Variants in SCFD2 observed in about 807,000 individuals in gnomAD.
The protein encoded by SCFD2 is sec1 family domain-containing protein 2.
In SCFD2, 54 loss-of-function variants were observed where a neutral mutation model predicts 58.9. That is an observed-to-expected ratio of 0.92 (90% CI 0.74 to 1.15). SCFD2 has a LOEUF of 1.15. Among genes scored for constraint, SCFD2 ranks in the 50% most tolerant of loss-of-function variants. The pLI is 0.00. For synonymous variants in SCFD2, 321 were observed against 335.9 expected (o/e 0.96, Z 0.49); for missense variants, 805 against 836.6 (o/e 0.96, Z 0.47).
At chr4:53,329,709 CAGTTCCTCACCAGCAACGGAACAA>C (rs1379090634) in intron 2 of SCFD2, among the ~76,000 whole-genome samples, 1 of 152,198 alleles carries the variant, frequency 6.6e-6, no homozygotes, top group Non-Finnish European at 1.5e-5. Context: ...CAAAGGAACG[CAGTTCCTCACCAGCAACGGAACAA>C]AGCTGGATGG....
rs1179670478 is a variant in SCFD2 at position 53,243,223 on chromosome 4, T to C, written c.1311+30603A>G. ...ATGAAAGACAAAATGTTAAGGCAGC[T>C]AAACAGAAAGTATAGGTCACCTATA... On this transcript the variant is annotated intron_variant, in intron 4 of 8. Transcript: ENST00000401642. Among the ~76,000 whole-genome samples, 4 of 152,082 alleles carry C rather than the reference T, an allele frequency of 2.6e-5. No individual in the cohort carries two copies. In the East Asian group the frequency reaches 7.7e-4, roughly 29 times the overall value.
Position 53,057,093 on chromosome 4 carries a change from G to T in SCFD2, c.1561+88240C>A, listed in dbSNP as rs529055657. On this transcript the variant is annotated intron_variant, in intron 5 of 8. Transcript: ENST00000401642. Reference sequence around the variant, plus strand: ...CCAGCTACTCTGGAGGCTGAGGCAGGAGAATCACTTGAACCTGGGAGGTGG... The same window carrying T: ...CCAGCTACTCTGGAGGCTGAGGCAGTAGAATCACTTGAACCTGGGAGGTGG... Among the ~76,000 whole-genome samples, 3 of 152,316 alleles carry T rather than the reference G, an allele frequency of 2.0e-5. No individual in the cohort carries two copies. In the South Asian group the frequency reaches 6.2e-4, roughly 32 times the overall value.
chr4:53,184,477 G>T (rs1727681937), intron 4 of SCFD2, among the ~76,000 whole-genome samples: 1 of 152,094 alleles, frequency 6.6e-6, no homozygotes, highest in Non-Finnish European at 1.5e-5. Flanking sequence ...ACAGTAACTG[G>T]AACCCTCATA....
intron 4 of SCFD2, among the ~76,000 whole-genome samples, chr4:53,187,269 T>C (rs556234203): frequency 6.6e-6 from 1 of 152,172 alleles, no homozygotes; most frequent in Admixed American, 6.6e-5. Flanking sequence ...ATCAGCAATA[T>C]TGACAATGCT....
chr4:53,075,664 G>A (rs1723950490), intron 5 of SCFD2, among the ~76,000 whole-genome samples: 1 of 152,138 alleles, frequency 6.6e-6, no homozygotes, highest in South Asian at 2.1e-4. Flanking sequence ...CTAAGGAGAG[G>A]GAGAGAGATA....
chr4:53,203,609 T>G (rs1728319506), intron 4 of SCFD2, among the ~76,000 whole-genome samples: 1 of 152,022 alleles, frequency 6.6e-6, no homozygotes, highest in South Asian at 2.1e-4. Context: ...CAATAGCATT[T>G]TAGGAGCTTG....
At chr4:52,997,669 A>G (rs886740363) in intron 5 of SCFD2, among the ~76,000 whole-genome samples, 3 of 152,180 alleles carry the variant, frequency 2.0e-5, no homozygotes, top group African/African-American at 7.2e-5. Context: ...AGGTTCCTTC[A>G]CCTCAGAGAA....
intron 5 of SCFD2, among the ~76,000 whole-genome samples, chr4:53,126,563 G>T (rs1367781098): frequency 6.6e-6 from 1 of 152,168 alleles, no homozygotes; most frequent in East Asian, 1.9e-4. Context: ...TGATCTGCCC[G>T]CCTCAGCCTT....
At chr4:53,331,706 C>T (rs969427501) in intron 2 of SCFD2, among the ~76,000 whole-genome samples, 4 of 152,134 alleles carry the variant, frequency 2.6e-5, no homozygotes, top group African/African-American at 9.7e-5. Flanking sequence ...CAAGAGCAAA[C>T]ACATTCCAAA....
chr4:53,258,542 A>ATG (rs1730725056), intron 4 of SCFD2, among the ~76,000 whole-genome samples: 1 of 15,660 alleles, frequency 6.4e-5, no homozygotes, highest in African/African-American at 2.0e-4. Flanking sequence ...GTGTGTGTAT[A>ATG]TATATATATA....
intron 1 of SCFD2, among the ~76,000 whole-genome samples, chr4:53,356,748 TTTTG>T (rs1425884954): frequency 1.0e-4 from 15 of 147,440 alleles, no homozygotes; most frequent in African/African-American, 3.5e-4. Flanking sequence ...TTTTTTTTTT[TTTTG>T]TTGAGACATA....
intron 4 of SCFD2, among the ~76,000 whole-genome samples, chr4:53,253,141 C>G (rs975038386): frequency 6.6e-6 from 1 of 152,154 alleles, no homozygotes; most frequent in South Asian, 2.1e-4. Context: ...TGAAAAAATG[C>G]TCATCATCAC....
Position 53,267,451 on chromosome 4 carries a change from T to TA in SCFD2, c.1311+6374dup, listed in dbSNP as rs1731025207. ...GATCAGTTTATACATTCGCCTATGC[T>TA]AAAACCCTAACTTGTAAGGACCCAG... On this transcript the variant is annotated intron_variant, in intron 4 of 8. Coordinates refer to ENST00000401642, the MANE Select transcript of SCFD2 (RefSeq NM_152540.4). Among the ~76,000 whole-genome samples the TA allele has an allele frequency of 3.9e-5, 6 of 152,374 alleles. No homozygotes were observed. In the South Asian group the frequency reaches 1.0e-3, roughly 26 times the overall value.
intron 5 of SCFD2, among the ~76,000 whole-genome samples, chr4:53,065,367 G>A (rs530194491): frequency 1.8e-4 from 27 of 151,954 alleles, no homozygotes; most frequent in Middle Eastern, 6.8e-3. Flanking sequence ...AAGGAAATCT[G>A]GAAAGAAAAT....
At chr4:52,989,013 G>T (rs1315946345) in intron 5 of SCFD2, among the ~76,000 whole-genome samples, 2 of 152,118 alleles carry the variant, frequency 1.3e-5, no homozygotes, top group Non-Finnish European at 2.9e-5. Flanking sequence ...TAATCCTGGG[G>T]GAAAAAAGTG....
At chr4:53,286,959 G>A (rs1156511114) in intron 3 of SCFD2, among the ~76,000 whole-genome samples, 7 of 152,080 alleles carry the variant, frequency 4.6e-5, no homozygotes. Context: ...GGAAGTTACT[G>A]TGCCCTGTTG....
At chr4:53,285,863 A>C (rs1425376747) in intron 3 of SCFD2, among the ~76,000 whole-genome samples, 1 of 152,110 alleles carries the variant, frequency 6.6e-6, no homozygotes, top group Non-Finnish European at 1.5e-5. Flanking sequence ...TCATGAGCCC[A>C]GTTAGGGAGC....
intron 2 of SCFD2, among the ~76,000 whole-genome samples, chr4:53,349,780 T>G (rs1734159889): frequency 6.6e-6 from 1 of 152,224 alleles, no homozygotes; most frequent in South Asian, 2.1e-4. Context: ...ATTTGCTTCT[T>G]TACCTCTGTC....
At chr4:53,108,568 A>G (rs1725072734) in intron 5 of SCFD2, among the ~76,000 whole-genome samples, 1 of 152,184 alleles carries the variant, frequency 6.6e-6, no homozygotes, top group Admixed American at 6.5e-5. Context: ...ACAAACTACC[A>G]TCAGAGAATA....
Sources: allele counts gnomAD v4.1 joint callset (sites outside exome capture counted in the v4.1 genomes callset), GRCh38; gene constraint gnomAD v4.1.1; transcripts MANE v1.5; gene names NCBI Gene and HGNC (gene_info 2026-07-23, HGNC 2026-07-21).